OPCML: variants seen among roughly 807,000 people sequenced by gnomAD.
OPCML encodes opioid-binding protein/cell adhesion molecule.
In OPCML, 13 loss-of-function variants were observed where a neutral mutation model predicts 37.8. The observed-to-expected ratio is 0.34, with a 90% CI of 0.22 to 0.55. The LOEUF is 0.55. Ranked by LOEUF, OPCML falls within the 20% of genes least tolerant of loss-of-function variation. The probability of loss-of-function intolerance (pLI) is 0.91; values close to 1 mark genes in which losing one functional copy is unlikely to be tolerated. For synonymous variants in OPCML, 176 were observed against 168.8 expected (o/e 1.04, Z -0.33); for missense variants, 341 against 435.6 (o/e 0.78, Z 1.93).
chr11:132,533,052 C>T (rs1161194755), intron 3 of OPCML, among the ~76,000 whole-genome samples: 1 of 152,152 alleles, frequency 6.6e-6, no homozygotes, highest in African/African-American at 2.4e-5. Context: ...TAAATATACA[C>T]ATAAACATTA....
rs1175690906 is a variant in OPCML, at chr11:133,206,287, G to T, written c.62-263277C>A. The stretch of plus-strand genomic sequence containing the variant: ...TGATTAAAGACAGTGAGCAGAACTC[G>T]CCATACTGAGGTCTGTTCCTGTTTC... On this transcript the variant is annotated intron_variant, in intron 1 of 7. Coordinates refer to ENST00000524381, the MANE Select transcript of OPCML (RefSeq NM_001012393.5). This position sits in a 1 kb window ranked among gnomAD's most constrained non-coding sequence, Gnocchi z 4.7. 1.3e-5 allele frequency among the ~76,000 whole-genome samples: 2 copies of T among 152,170 alleles called. No individual in the cohort carries two copies. Among genetic ancestry groups the T allele is most frequent in the African/African-American group, 2.4e-5 (1 of 41,442 alleles).
At chr11:133,358,217 C>T (rs546167662) in intron 1 of OPCML, among the ~76,000 whole-genome samples, 2 of 152,310 alleles carry the variant, frequency 1.3e-5, no homozygotes, top group East Asian at 1.9e-4. Context: ...ATGCTGTTTT[C>T]CAGATCTCTT....
intron 1 of OPCML, chr11:133,068,169 T>C (rs140179820): frequency 1.3e-5 from 2 of 152,332 alleles, no homozygotes; most frequent in African/African-American, 4.8e-5. Flanking sequence ...AGGCTCAGTA[T>C]CACAGCCTAG....
At chr11:132,888,460 G>A (rs1184416215) in intron 2 of OPCML, among the ~76,000 whole-genome samples, 1 of 152,012 alleles carries the variant, frequency 6.6e-6, no homozygotes, top group African/African-American at 2.4e-5. Flanking sequence ...ACGTGAAGGA[G>A]CCTGTGCCTG....
rs180916683 is a variant in OPCML, at chr11:133,125,322, C to T, written c.62-182312G>A. Among the ~76,000 whole-genome samples, 11 of 152,126 alleles carry T rather than the reference C, an allele frequency of 7.2e-5. No homozygotes were observed. The East Asian group carries it at 1.9e-3, about 27-fold the overall frequency. ...AGTGTCTATGTTTGAGCTTTACCTA[C>T]CAGAACTCTTTGTAATTCAGCCTCT... On this transcript the variant is annotated intron_variant, in intron 1 of 7. Coordinates refer to ENST00000524381, the MANE Select transcript of OPCML (RefSeq NM_001012393.5).
At chr11:132,638,263 A>C (rs1036354500) in intron 3 of OPCML, among the ~76,000 whole-genome samples, 14 of 151,250 alleles carry the variant, frequency 9.3e-5, no homozygotes, top group African/African-American at 3.4e-4. Context: ...TAATTAATAT[A>C]TTAATATAGA....
chr11:132,821,864 G>T (rs898688422), intron 2 of OPCML, among the ~76,000 whole-genome samples: 6 of 152,048 alleles, frequency 3.9e-5, no homozygotes, highest in African/African-American at 1.4e-4. Context: ...CACTCGGTTG[G>T]ATTCAATCTC....
Position 132,906,656 on chromosome 11 carries a change from G to T in OPCML, c.146+36270C>A, listed in dbSNP as rs115678303. On this transcript the variant is annotated intron_variant, in intron 2 of 7. Coordinates refer to ENST00000524381, the MANE Select transcript of OPCML (RefSeq NM_001012393.5). ...TCCTAATACCATTGAAAATGTCAGC[G>T]AGTGTACAGGAAAGGAAAAGAGGGT... 7.0e-3 allele frequency among the ~76,000 whole-genome samples: 1,069 copies of T among 152,294 alleles called. 13 individuals are homozygous for T. The highest frequency in any genetic ancestry group is 0.024 in the African/African-American group (1,013 of 41,560).
At chr11:132,944,455 C>T (rs1945697446) in intron 1 of OPCML, among the ~76,000 whole-genome samples, 1 of 152,172 alleles carries the variant, frequency 6.6e-6, no homozygotes, top group South Asian at 2.1e-4. Context: ...AGTGCACCCA[C>T]CTCCGAGGAC....
chr11:132,860,737 G>C lies in OPCML; in HGVS notation c.146+82189C>G, dbSNP rs139712837. 4.6e-5 allele frequency: 7 copies of C among 152,256 alleles called. No individual in the cohort carries two copies. In the East Asian group the frequency reaches 1.4e-3, roughly 29 times the overall value. The allele number at this position is 152,256 out of a possible 1,614,324, so 9.4% of individuals were successfully genotyped here. Reference sequence around the variant, plus strand: ...CAAAAAAGCTGTTTGAACGCTTGGGGACACCAGAAAAGCTAGATTCACGTA... The same window carrying C: ...CAAAAAAGCTGTTTGAACGCTTGGGCACACCAGAAAAGCTAGATTCACGTA... On this transcript the variant is annotated intron_variant, in intron 2 of 7. Coordinates refer to ENST00000524381, the MANE Select transcript of OPCML (RefSeq NM_001012393.5).
chr11:133,347,083 G>T (rs1222241769), intron 1 of OPCML, among the ~76,000 whole-genome samples: 1 of 152,194 alleles, frequency 6.6e-6, no homozygotes, highest in African/African-American at 2.4e-5. Context: ...GCACAAAGTT[G>T]CATTTTTATT....
rs151119111 is a variant in OPCML at position 132,547,033 on chromosome 11, A to T, written c.380-17847T>A. On this transcript the variant is annotated intron_variant, in intron 3 of 7. Coordinates refer to ENST00000524381, the MANE Select transcript of OPCML (RefSeq NM_001012393.5). ...ATCTGTGGACTGGCACTTCTCATAA[A>T]CTTGGGTGCAAACATAAAGGCCACT... Among the ~76,000 whole-genome samples, 203 of 152,284 alleles carry T rather than the reference A, an allele frequency of 1.3e-3. 2 individuals are homozygous for T. The highest frequency in any genetic ancestry group is 4.6e-3 in the African/African-American group (190 of 41,562).
At chr11:133,394,024 A>G (rs1002343637) in intron 1 of OPCML, among the ~76,000 whole-genome samples, 4 of 151,734 alleles carry the variant, frequency 2.6e-5, no homozygotes, top group African/African-American at 9.7e-5. Flanking sequence ...CCTCCACTGT[A>G]CCCCCATCTT....
chr11:133,121,686 A>G (rs1427539044), intron 1 of OPCML, among the ~76,000 whole-genome samples: 1 of 152,186 alleles, frequency 6.6e-6, no homozygotes, highest in Non-Finnish European at 1.5e-5. Flanking sequence ...ATTCTCATAA[A>G]TATTTTAATT....
At chr11:133,140,940 AGAAGACGAC>A (rs1949794479) in intron 1 of OPCML, among the ~76,000 whole-genome samples, 1 of 16,196 alleles carries the variant, frequency 6.2e-5, no homozygotes, top group African/African-American at 1.4e-4. Flanking sequence ...ACGAAGAAGA[AGAAGACGAC>A]GAAGAAGAAG....
At chr11:132,603,733 C>A (rs1416891907) in intron 3 of OPCML, among the ~76,000 whole-genome samples, 1 of 152,214 alleles carries the variant, frequency 6.6e-6, no homozygotes, top group African/African-American at 2.4e-5. Context: ...TTGCAAAAAA[C>A]TGTATTCCTA....
In OPCML at chr11:133,105,987, TA is replaced by T. The variant is rs201686210; in HGVS notation, c.62-162978del. On this transcript the variant is annotated intron_variant, in intron 1 of 7. Coordinates refer to ENST00000524381, the MANE Select transcript of OPCML (RefSeq NM_001012393.5). ...ACAGAGCAAGACTCCATCTTAAAAA[TA>T]AAAAAAAAAAGAAAAAAAGAATACT... 8.7e-4 allele frequency among the ~76,000 whole-genome samples: 81 copies of T among 92,906 alleles called. No individual in the cohort carries two copies. In the South Asian group the frequency reaches 0.011, roughly 13 times the overall value. The allele number at this position is 92,906 out of a possible 152,430, so 60.9% of individuals were successfully genotyped here.
chr11:132,797,416 A>T (rs1938391027), intron 2 of OPCML, among the ~76,000 whole-genome samples: 1 of 152,228 alleles, frequency 6.6e-6, no homozygotes, highest in African/African-American at 2.4e-5. Flanking sequence ...ATTAACTTTA[A>T]AAGTGAGTAT....
At position 133,470,524 on chromosome 11, in the gene OPCML, G is replaced by A. The variant is rs550521169; in HGVS notation, c.61+61740C>T. The stretch of plus-strand genomic sequence containing the variant: ...CTGGCAAATGTCACGAGGAAGGAGG[G>A]CAGGTGAGAAAGCTGGCAAAGTGTG... On this transcript the variant is annotated intron_variant, in intron 1 of 7. Transcript: ENST00000524381. Among the ~76,000 whole-genome samples, 17 of 152,306 alleles carry A rather than the reference G, an allele frequency of 1.1e-4. No individual in the cohort carries two copies. In the South Asian group the frequency reaches 3.5e-3, roughly 32 times the overall value.
Sources: gnomAD v4.1 joint callset for allele counts (sites outside exome capture counted in the v4.1 genomes callset) on GRCh38, gnomAD v4.1.1 for gene constraint, Gnocchi (gnomAD v3.1) non-coding constraint, MANE v1.5 for transcripts, NCBI Gene and HGNC (gene_info 2026-07-23, HGNC 2026-07-21) for gene names.